ANKRD44: variants seen among roughly 807,000 people sequenced by gnomAD.
ANKRD44 encodes the protein ankyrin repeat domain 44, also known as serine/threonine-protein phosphatase 6 regulatory ankyrin repeat subunit B.
ANKRD44 carries 35 observed loss-of-function variants against 116.0 expected under a neutral mutation model. That is an observed-to-expected ratio of 0.30 (90% CI 0.23 to 0.40). ANKRD44 has a LOEUF of 0.40. Among genes scored for constraint, ANKRD44 ranks in the 10% least tolerant of loss-of-function variants. The pLI, the probability that ANKRD44 is intolerant of heterozygous loss-of-function variation, is 1.00. For synonymous variants in ANKRD44, 435 were observed against 461.8 expected (o/e 0.94, Z 0.74); for missense variants, 1,014 against 1,242.6 (o/e 0.82, Z 2.77).
intron 1 of ANKRD44, among the ~76,000 whole-genome samples, chr2:197,308,254 T>A (rs1267192953): frequency 6.6e-6 from 1 of 151,784 alleles, no homozygotes; most frequent in Non-Finnish European, 1.5e-5. Context: ...CTGTACAAAC[T>A]CTAAGGCAGG....
chr2:197,207,953 C>T (rs1346927780), intron 1 of ANKRD44, among the ~76,000 whole-genome samples: 1 of 152,118 alleles, frequency 6.6e-6, no homozygotes, highest in Non-Finnish European at 1.5e-5. Flanking sequence ...ATAAATTGTA[C>T]AGCCAGGAAA....
rs138649057 is a variant in ANKRD44 at position 197,242,628 on chromosome 2, C to A, written c.28-55522G>T. On this transcript the variant is annotated intron_variant, in intron 1 of 27. Coordinates refer to ENST00000282272, the MANE Select transcript of ANKRD44 (RefSeq NM_001195144.2). ...ATCTTCTAACCTTACCAGGCTGTTCCCCCTATGGAATATTCTTAGGCAATG... is the reference window on the plus strand; with the variant it reads ...ATCTTCTAACCTTACCAGGCTGTTCACCCTATGGAATATTCTTAGGCAATG... 1.1e-4 allele frequency among the ~76,000 whole-genome samples: 17 copies of A among 152,296 alleles called. No homozygotes were observed. The East Asian group carries it at 3.1e-3, about 28-fold the overall frequency.
chr2:197,240,934 C>T (rs776089309), intron 1 of ANKRD44, among the ~76,000 whole-genome samples: 3 of 151,764 alleles, frequency 2.0e-5, no homozygotes, highest in Non-Finnish European at 2.9e-5. Flanking sequence ...TCCCCAAATG[C>T]ATAATCCACA....
chr2:197,234,773 G>T (rs1380282929), intron 1 of ANKRD44, among the ~76,000 whole-genome samples: 1 of 152,096 alleles, frequency 6.6e-6, no homozygotes, highest in Admixed American at 6.5e-5. Flanking sequence ...CCTTTCTCGG[G>T]ATTCTACCTG....
Position 197,122,693 on chromosome 2 carries a change from C to A in ANKRD44, c.650G>T (p.Gly217Val). 2 of 1,614,230 alleles carry A rather than the reference C, an allele frequency of 1.2e-6. No homozygotes were observed. The highest frequency in any genetic ancestry group is 1.7e-6 in the Non-Finnish European group (2 of 1,180,032). ...GAGATGCTTGACAACATTAATCTGTCCATTGGAGGCTGCAGCATGCAGAGG... is the reference window on the plus strand; with the variant it reads ...GAGATGCTTGACAACATTAATCTGTACATTGGAGGCTGCAGCATGCAGAGG... Reference protein sequence around the residue: ...YTPLHAAASNGQINVVKHLLN... With the variant: ...YTPLHAAASNVQINVVKHLLN... Residue 217 changes from glycine (G) to valine (V), a missense_variant, in exon 7 of 28, where the codon GGA (glycine) becomes GTA (valine). Transcript: ENST00000282272.
intron 16 of ANKRD44, among the ~76,000 whole-genome samples, chr2:197,037,145 C>T (rs990746393): frequency 1.3e-4 from 20 of 152,270 alleles, no homozygotes; most frequent in African/African-American, 3.4e-4. Context: ...TTCATATGAG[C>T]GGAGGTAGTG....
At chr2:197,194,624 C>T (rs1370660820) in intron 1 of ANKRD44, among the ~76,000 whole-genome samples, 1 of 152,102 alleles carries the variant, frequency 6.6e-6, no homozygotes, top group Non-Finnish European at 1.5e-5. Context: ...TTTCAACATA[C>T]CTCCTATGGA....
At chr2:197,007,003 A>G (rs538796551) in intron 20 of ANKRD44, among the ~76,000 whole-genome samples, 1 of 151,582 alleles carries the variant, frequency 6.6e-6, no homozygotes, top group East Asian at 2.0e-4. Flanking sequence ...TACTGGGGGG[A>G]GTTGAGGTGG....
intron 1 of ANKRD44, among the ~76,000 whole-genome samples, chr2:197,271,008 C>T (rs1378129415): frequency 6.6e-6 from 1 of 152,228 alleles, no homozygotes; most frequent in South Asian, 2.1e-4. Context: ...GACCGTGCAG[C>T]TGCCCAGGGA....
At chr2:197,205,749 C>T (rs770569303) in intron 1 of ANKRD44, among the ~76,000 whole-genome samples, 3 of 152,110 alleles carry the variant, frequency 2.0e-5, no homozygotes, top group Admixed American at 1.3e-4. Flanking sequence ...AGTGACATCA[C>T]GGTGGAAGCA....
intron 1 of ANKRD44, among the ~76,000 whole-genome samples, chr2:197,228,869 C>G (rs943319140): frequency 2.0e-5 from 3 of 152,198 alleles, no homozygotes; most frequent in Non-Finnish European, 4.4e-5. Context: ...AACCCTGTCT[C>G]TACTAAAAAT....
intron 2 of ANKRD44, 75 bp downstream of exon 2, chr2:197,186,948 G>C (rs1160227728): frequency 1.7e-6 from 2 of 1,176,724 alleles, no homozygotes; most frequent in African/African-American, 3.0e-5. Flanking sequence ...AGAGTCCATG[G>C]TATATAAAAG....
chr2:197,136,798 C>T, intron 3 of ANKRD44, 136 bp from the exon 4 acceptor site: 1 of 721,622 alleles, frequency 1.4e-6, no homozygotes. Context: ...TAGTCATGTG[C>T]TGACAAGATT....
At chr2:197,286,700 A>AT (rs927297209) in intron 1 of ANKRD44, among the ~76,000 whole-genome samples, 25 of 151,022 alleles carry the variant, frequency 1.7e-4, no homozygotes, top group East Asian at 9.7e-4. Flanking sequence ...TTTTAATGTA[A>AT]TTTTTTTTTG....
At chr2:197,061,084 A>AT (rs1033865953) in intron 16 of ANKRD44, among the ~76,000 whole-genome samples, 1 of 152,068 alleles carries the variant, frequency 6.6e-6, no homozygotes, top group African/African-American at 2.4e-5. Context: ...CCTATTTTTA[A>AT]TTTTTTAGGA....
intron 9 of ANKRD44, among the ~76,000 whole-genome samples, chr2:197,105,502 T>C (rs911148799): frequency 3.3e-5 from 5 of 152,186 alleles, no homozygotes; most frequent in Non-Finnish European, 5.9e-5. Context: ...CTTAAATACA[T>C]AGAAAAATCC....
chr2:197,147,148 G>C, intron 2 of ANKRD44, 43 bp from the exon 3 acceptor site: 2 of 1,558,272 alleles, frequency 1.3e-6, no homozygotes, highest in Non-Finnish European at 1.8e-6. Flanking sequence ...GTCAGTGGCA[G>C]CTGGAGGTCC....
chr2:197,061,498 G>A (rs895434053), intron 16 of ANKRD44, among the ~76,000 whole-genome samples: 10 of 152,192 alleles, frequency 6.6e-5, no homozygotes, highest in African/African-American at 2.4e-4. Flanking sequence ...ACTACAGAAA[G>A]TAAAAACAGG....
chr2:197,066,979 A>G (rs2077448055), intron 16 of ANKRD44, among the ~76,000 whole-genome samples: 3 of 152,240 alleles, frequency 2.0e-5, no homozygotes, highest in African/African-American at 7.2e-5. Flanking sequence ...TTGCCAAGAC[A>G]ATCCTAAGCC....
Sources: allele counts gnomAD v4.1 joint callset (sites outside exome capture counted in the v4.1 genomes callset), GRCh38; gene constraint gnomAD v4.1.1; transcripts MANE v1.5; gene names NCBI Gene and HGNC (gene_info 2026-07-23, HGNC 2026-07-21).